Variants in APBB1IP observed in about 807,000 individuals in gnomAD.
APBB1IP encodes the protein amyloid beta precursor protein binding family B member 1 interacting protein, also known as amyloid beta A4 precursor protein-binding family B member 1-interacting protein.
APBB1IP carries 27 observed loss-of-function variants against 64.9 expected under a neutral mutation model. The observed-to-expected ratio is 0.42, with a 90% CI of 0.31 to 0.57. APBB1IP has a LOEUF of 0.57. Ranked by LOEUF, APBB1IP falls within the 20% of genes least tolerant of loss-of-function variation. The pLI, the probability that APBB1IP is intolerant of heterozygous loss-of-function variation, is 0.20. For synonymous variants in APBB1IP, 392 were observed against 331.0 expected (o/e 1.18, Z -2.00); for missense variants, 812 against 845.5 (o/e 0.96, Z 0.49).
intron 11 of APBB1IP, among the ~76,000 whole-genome samples, chr10:26,556,893 T>C (rs1836901074): frequency 6.6e-6 from 1 of 152,142 alleles, no homozygotes; most frequent in Non-Finnish European, 1.5e-5. Context: ...AGAACACAAA[T>C]GCTGTTTGTA....
chr10:26,542,595 C>T (rs537244047), intron 11 of APBB1IP, among the ~76,000 whole-genome samples: 8 of 152,204 alleles, frequency 5.3e-5, no homozygotes, highest in East Asian at 3.9e-4. Context: ...TTTTTGTCTG[C>T]GTTTCTTTTT....
intron 11 of APBB1IP, among the ~76,000 whole-genome samples, chr10:26,542,662 A>G (rs1836711293): frequency 6.6e-6 from 1 of 152,280 alleles, no homozygotes; most frequent in Non-Finnish European, 1.5e-5. Flanking sequence ...GACTCCCTGA[A>G]CAATTACAAT....
chr10:26,517,319 G>A (rs149218807), intron 8 of APBB1IP, among the ~76,000 whole-genome samples: 59 of 152,290 alleles, frequency 3.9e-4, no homozygotes, highest in African/African-American at 1.3e-3. Flanking sequence ...GAGTTGCAGC[G>A]GCCTTCCTCC....
chr10:26,461,204 G>A (rs1451838314), intron 2 of APBB1IP, among the ~76,000 whole-genome samples: 1 of 151,820 alleles, frequency 6.6e-6, no homozygotes, highest in Non-Finnish European at 1.5e-5. Context: ...AAGGAGGGAG[G>A]GAAGGAAGGA....
chr10:26,526,869 A>G (rs1394939971), intron 8 of APBB1IP, among the ~76,000 whole-genome samples: 2 of 152,192 alleles, frequency 1.3e-5, no homozygotes, highest in Non-Finnish European at 2.9e-5. Flanking sequence ...TATTCCACAG[A>G]TTATTCTGTT....
chr10:26,491,147 C>T (rs754333562), intron 2 of APBB1IP, among the ~76,000 whole-genome samples: 5 of 151,898 alleles, frequency 3.3e-5, no homozygotes, highest in Non-Finnish European at 4.4e-5. Context: ...GGCATGGTGG[C>T]GGGTGCCTGT....
At chr10:26,538,943 T>A (rs905053004) in intron 10 of APBB1IP, among the ~76,000 whole-genome samples, 1 of 152,194 alleles carries the variant, frequency 6.6e-6, no homozygotes, top group Non-Finnish European at 1.5e-5. Flanking sequence ...TCAGAGAAGT[T>A]AAAGTTGGAA....
chr10:26,552,540 C>T (rs1013508482), intron 11 of APBB1IP, among the ~76,000 whole-genome samples: 3 of 151,026 alleles, frequency 2.0e-5, no homozygotes, highest in Admixed American at 6.6e-5. Flanking sequence ...TTCAGGGTGC[C>T]GTGAGCCACA....
At chr10:26,472,896 C>T (rs1184422974) in intron 2 of APBB1IP, among the ~76,000 whole-genome samples, 1 of 150,840 alleles carries the variant, frequency 6.6e-6, no homozygotes, top group Non-Finnish European at 1.5e-5. Flanking sequence ...GATATTGCAC[C>T]ACTGCACTCC....
At chr10:26,523,868 C>A (rs1416701100) in intron 8 of APBB1IP, among the ~76,000 whole-genome samples, 1 of 152,100 alleles carries the variant, frequency 6.6e-6, no homozygotes, top group African/African-American at 2.4e-5. Context: ...AATGGTGGCT[C>A]ACTATGAGTG....
chr10:26,567,195 C>T lies in APBB1IP; in HGVS notation c.1708C>T (p.Pro570Ser). The T allele has an allele frequency of 7.1e-7, 1 of 1,399,690 alleles. No homozygotes were observed. Among genetic ancestry groups the T allele is most frequent in the African/African-American group, 1.5e-5 (1 of 65,276 alleles). The allele number at this position is 1,399,690 out of a possible 1,614,324, so 86.7% of individuals were successfully genotyped here. A position where few individuals can be genotyped will look rare whatever the true frequency, so the allele number is the denominator to read the frequency against. Residue 570 changes from proline (P) to serine (S), a missense_variant, in exon 15 of 15, where the codon CCG (proline) becomes TCG (serine). Physicochemically the swap from Pro to Ser is moderately conservative, Grantham distance 74. Around this residue, in one of 3 missense-constraint regions of APBB1IP, gnomAD observed 381 missense variants for 352.1 expected, o/e 1.08. Coordinates refer to ENST00000376236, the MANE Select transcript of APBB1IP (RefSeq NM_019043.4). ...PPPLDDPELP[P>S]PPPDFMEPPP... ...GCCCCTCGATGACCCTGAGCTCCCG[C>T]CGCCGCCCCCGGACTTCATGGAGCC... is the stretch of plus-strand genomic sequence containing the variant.
At chr10:26,564,956 T>C (rs998570499) in intron 14 of APBB1IP, among the ~76,000 whole-genome samples, 50 of 152,296 alleles carry the variant, frequency 3.3e-4, no homozygotes, top group African/African-American at 1.1e-3. Flanking sequence ...AATCGGCTCC[T>C]CCCTAGAAGC....
intron 2 of APBB1IP, among the ~76,000 whole-genome samples, chr10:26,467,523 C>T (rs1003515791): frequency 1.3e-5 from 2 of 152,136 alleles, no homozygotes; most frequent in Non-Finnish European, 2.9e-5. Flanking sequence ...GAGACTTTGT[C>T]TTTACAAAAG....
At chr10:26,477,844 C>T (rs1835792865) in intron 2 of APBB1IP, among the ~76,000 whole-genome samples, 1 of 152,170 alleles carries the variant, frequency 6.6e-6, no homozygotes, top group Admixed American at 6.5e-5. Flanking sequence ...GATCCTCCCG[C>T]CTCAGCCTCT....
chr10:26,551,314 A>G (rs1836827388), intron 11 of APBB1IP, among the ~76,000 whole-genome samples: 1 of 152,192 alleles, frequency 6.6e-6, no homozygotes, highest in African/African-American at 2.4e-5. Context: ...TGTGGTAAGA[A>G]ACCTGAGTGT....
At chr10:26,475,108 TTTTTCTTTTTC>T (rs1468245393) in intron 2 of APBB1IP, among the ~76,000 whole-genome samples, 2 of 151,918 alleles carry the variant, frequency 1.3e-5, no homozygotes, top group African/African-American at 4.8e-5. Context: ...CTTCCCTTGT[TTTTTCTTTTTC>T]TTTTCTTTTT....
intron 2 of APBB1IP, among the ~76,000 whole-genome samples, chr10:26,468,032 C>CA (rs1191244827): frequency 1.3e-5 from 2 of 152,150 alleles, no homozygotes; most frequent in Non-Finnish European, 2.9e-5. Flanking sequence ...GGAATCCTTA[C>CA]AAAGCCCACT....
Position 26,506,250 on chromosome 10 carries a change from T to TGGG in APBB1IP, c.531+2986_531+2988dup, listed in dbSNP as rs60855722. ...AGTGCTTAACACTACCGTGTGTGTG[T>TGGG]GGGGGGGGGGGGTGGGGGGCAAGGT... On this transcript the variant is annotated intron_variant, in intron 6 of 14. Transcript: ENST00000376236. Among the ~76,000 whole-genome samples, 229 of 62,366 alleles carry TGGG rather than the reference T, an allele frequency of 3.7e-3. 3 individuals carry two copies. The highest frequency in any genetic ancestry group is 7.1e-3 in the African/African-American group (103 of 14,494). 40.9% of individuals were successfully genotyped at this position (62,366 alleles called of 152,430 possible). A position where few individuals can be genotyped will look rare whatever the true frequency, so the allele number is the denominator to read the frequency against.
rs1016581868 is a variant in APBB1IP at position 26,491,756 on chromosome 10, A to G, written c.1-571A>G. Among the ~76,000 whole-genome samples the G allele has an allele frequency of 3.4e-4, 47 of 139,634 alleles. 1 individual carries two copies. In the East Asian group the frequency reaches 8.2e-3, roughly 24 times the overall value. 91.6% of individuals were successfully genotyped at this position (139,634 alleles called of 152,430 possible). On this transcript the variant is annotated intron_variant, in intron 2 of 14. Coordinates refer to ENST00000376236, the MANE Select transcript of APBB1IP (RefSeq NM_019043.4). ...ATCACTCCTCACATCATTTTTGTGT[A>G]AGGTTTTTTTTTTTTTTTTTTTGGA... is the stretch of plus-strand genomic sequence containing the variant.
Sources: allele counts gnomAD v4.1 joint callset (sites outside exome capture counted in the v4.1 genomes callset), GRCh38; gene constraint gnomAD v4.1.1; regional missense constraint gnomAD v4.1.1; transcripts MANE v1.5; gene names NCBI Gene and HGNC (gene_info 2026-07-23, HGNC 2026-07-21).